MET: variants seen among roughly 807,000 people sequenced by gnomAD.
MET encodes MET proto-oncogene, receptor tyrosine kinase.
MET carries 48 observed loss-of-function variants against 133.1 expected under a neutral mutation model. That is an observed-to-expected ratio of 0.36 (90% CI 0.29 to 0.46). MET has a LOEUF of 0.46. Among genes scored for constraint, MET ranks in the 20% least tolerant of loss-of-function variants. The pLI, the probability that MET is intolerant of heterozygous loss-of-function variation, is 1.00. For missense variants in MET, 1,442 were observed against 1,695.9 expected, an observed-to-expected ratio of 0.85 and a Z score of 2.63; for synonymous variants, 628 against 616.5, an observed-to-expected ratio of 1.02 and a Z score of -0.28.
In MET at chr7:116,758,578, A is replaced by T. The variant is rs2116932288; in HGVS notation, c.2222A>T (p.Asp741Val). ...ACAAGCATCTTCAGTTACCGTGAAG[A>T]TCCCATTGTCTATGAAATTCATCCA... Reference protein sequence around the residue: ...RETSIFSYREDPIVYEIHPTK... With the variant: ...RETSIFSYREVPIVYEIHPTK... Residue 741 changes from aspartate to valine, a missense_variant, in exon 9 of 21, where the codon GAT becomes GTT. Coordinates refer to ENST00000397752, the MANE Select transcript of MET (RefSeq NM_000245.4). 1.9e-6 allele frequency: 3 copies of T among 1,613,874 alleles called. No homozygotes were observed. The highest frequency in any genetic ancestry group is 2.5e-6 in the Non-Finnish European group (3 of 1,179,880).
chr7:116,797,689 C>G lies in MET; in HGVS notation c.*1565C>G, dbSNP rs971266153. ...TTTGTTAGGCCACAAAAACACTGCACTGTGAACATTTTAGAAAAGGTATGT... is the reference window on the plus strand; with the variant it reads ...TTTGTTAGGCCACAAAAACACTGCAGTGTGAACATTTTAGAAAAGGTATGT... On this transcript the variant is annotated 3_prime_UTR_variant, in exon 21 of 21. Transcript: ENST00000397752. 10 of 226,974 alleles carry G rather than the reference C, an allele frequency of 4.4e-5. No homozygotes were observed. The highest frequency in any genetic ancestry group is 2.2e-4 in the African/African-American group (10 of 44,960). The allele number at this position is 226,974 out of a possible 1,614,324, so 14.1% of individuals were successfully genotyped here. A position where few individuals can be genotyped will look rare whatever the true frequency, so the allele number is the denominator to read the frequency against.
Position 116,749,999 on chromosome 7 carries a change from A to G in MET, c.1702-5356A>G, listed in dbSNP as rs184522192. Among the ~76,000 whole-genome samples the G allele has an allele frequency of 9.8e-5, 15 of 152,368 alleles. No homozygotes were observed. The East Asian group carries it at 2.9e-3, about 29-fold the overall frequency. ...AAGACTCAATATTGTGAAAATGGCC[A>G]TATTGCCCAAAGTAATTTATACATT... On this transcript the variant is annotated intron_variant, in intron 5 of 20. Coordinates refer to ENST00000397752, the MANE Select transcript of MET (RefSeq NM_000245.4).
chr7:116,745,109 A>G (rs1385718256), intron 5 of MET, among the ~76,000 whole-genome samples: 1 of 152,252 alleles, frequency 6.6e-6, no homozygotes, highest in African/African-American at 2.4e-5. Flanking sequence ...ATGTGCAAAA[A>G]TCACAAGCAT....
intron 19 of MET, among the ~76,000 whole-genome samples, chr7:116,788,316 A>G (rs1384454859): frequency 6.6e-6 from 1 of 152,214 alleles, no homozygotes; most frequent in East Asian, 1.9e-4. Context: ...TTTACTAAAC[A>G]TCACCAATCA....
At chr7:116,698,261 C>T (rs1414553866) in intron 1 of MET, among the ~76,000 whole-genome samples, 1 of 152,168 alleles carries the variant, frequency 6.6e-6, no homozygotes, top group Non-Finnish European at 1.5e-5. Flanking sequence ...TGTCTATATG[C>T]ATACAATGAA....
chr7:116,752,690 A>T (rs1339437070), intron 5 of MET, among the ~76,000 whole-genome samples: 1 of 152,250 alleles, frequency 6.6e-6, no homozygotes. Flanking sequence ...TCCTATTGCC[A>T]GTGCCCCAGT....
At chr7:116,751,783 C>T (rs553190334) in intron 5 of MET, among the ~76,000 whole-genome samples, 4 of 151,996 alleles carry the variant, frequency 2.6e-5, no homozygotes, top group Admixed American at 1.3e-4. Context: ...AAATTCAGGC[C>T]GGGCGTGGTG....
chr7:116,702,522 A>G (rs941980220), intron 2 of MET, among the ~76,000 whole-genome samples: 1 of 152,178 alleles, frequency 6.6e-6, no homozygotes. Flanking sequence ...AAATGATTAC[A>G]AGATCAAAGC....
chr7:116,746,343 T>C (rs1489667657), intron 5 of MET, among the ~76,000 whole-genome samples: 2 of 152,230 alleles, frequency 1.3e-5, no homozygotes, highest in Non-Finnish European at 2.9e-5. Flanking sequence ...GACTGTAAAC[T>C]AGTTCAACCA....
Position 116,771,881 on chromosome 7 carries a change from A to G in MET, c.2920A>G (p.Arg974Gly). 1 of 1,613,842 alleles carries G rather than the reference A, an allele frequency of 6.2e-7. No homozygotes were observed. Among genetic ancestry groups the G allele is most frequent in the African/African-American group, 1.3e-5 (1 of 75,020 alleles). ...CAGTGAATTAGTTCGCTACGATGCA[A>G]GAGTACACACTCCTCATTTGGATAG... ...LGSELVRYDA[R>G]VHTPHLDRLV... The change falls in exon 14 of 21, where the codon AGA becomes GGA. Residue 974 changes from arginine to glycine, a missense_variant. Arg to Gly is a moderately radical substitution (Grantham distance 125, BLOSUM62 -2). This residue lies in a region of MET where 514 missense variants were observed against 659.6 expected (regional missense o/e 0.78). Transcript: ENST00000397752.
intron 5 of MET, among the ~76,000 whole-genome samples, chr7:116,747,165 G>A (rs761529350): frequency 5.9e-5 from 9 of 152,014 alleles, no homozygotes; most frequent in East Asian, 1.9e-4. Flanking sequence ...AGGAAAAACC[G>A]GTACCACCTA....
chr7:116,734,476 T>C (rs1324428942), intron 3 of MET, among the ~76,000 whole-genome samples: 4 of 152,228 alleles, frequency 2.6e-5, no homozygotes, highest in Non-Finnish European at 5.9e-5. Context: ...AAGAATTATA[T>C]TGTTTAGCTA....
chr7:116,698,618 G>A (rs1797050215), intron 1 of MET, among the ~76,000 whole-genome samples: 1 of 152,198 alleles, frequency 6.6e-6, no homozygotes, highest in Non-Finnish European at 1.5e-5. Flanking sequence ...AACAATGCCT[G>A]CTGTGATTTC....
At chr7:116,675,858 A>G (rs1027429538) in intron 1 of MET, among the ~76,000 whole-genome samples, 2 of 150,414 alleles carry the variant, frequency 1.3e-5, no homozygotes, top group African/African-American at 4.9e-5. Context: ...TGCTCCTGTT[A>G]TCAGATTAAG....
At chr7:116,685,061 C>T (rs1796500371) in intron 1 of MET, among the ~76,000 whole-genome samples, 1 of 152,130 alleles carries the variant, frequency 6.6e-6, no homozygotes, top group African/African-American at 2.4e-5. Flanking sequence ...ATGTTCAGCA[C>T]TGAGGTAGGA....
chr7:116,728,706 G>T (rs1792885732), intron 2 of MET, among the ~76,000 whole-genome samples: 1 of 152,160 alleles, frequency 6.6e-6, no homozygotes, highest in South Asian at 2.1e-4. Flanking sequence ...AATGCCTACT[G>T]GGTGCTAGGC....
chr7:116,770,687 ATG>A, intron 12 of MET, among the ~76,000 whole-genome samples: 1 of 152,204 alleles, frequency 6.6e-6, no homozygotes, highest in East Asian at 1.9e-4. Context: ...TTGTCTTTTT[ATG>A]TGTGGCCTAT....
intron 2 of MET, among the ~76,000 whole-genome samples, chr7:116,727,413 A>G (rs1008998127): frequency 4.6e-5 from 7 of 152,200 alleles, no homozygotes; most frequent in African/African-American, 1.4e-4. Context: ...GTCTTATTAT[A>G]CATGAAAATA....
At chr7:116,731,231 C>A (rs1792991051) in intron 2 of MET, among the ~76,000 whole-genome samples, 1 of 152,216 alleles carries the variant, frequency 6.6e-6, no homozygotes, top group African/African-American at 2.4e-5. Flanking sequence ...CCTACCATCT[C>A]TCTGCACAAG....
Sources: gnomAD v4.1 joint callset for allele counts (sites outside exome capture counted in the v4.1 genomes callset) on GRCh38, gnomAD v4.1.1 for gene constraint, gnomAD v4.1.1 regional missense constraint, MANE v1.5 for transcripts, NCBI Gene and HGNC (gene_info 2026-07-23, HGNC 2026-07-21) for gene names.